The following FMNL2 variants were observed in gnomAD, a reference collection of about 807,000 sequenced individuals.
The protein encoded by FMNL2 is formin like 2, also known as formin-like protein 2.
FMNL2 carries 51 observed loss-of-function variants against 130.2 expected under a neutral mutation model. The observed-to-expected ratio is 0.39, with a 90% CI of 0.31 to 0.49. The LOEUF (loss-of-function observed/expected upper bound fraction) is 0.49, where lower values mean the gene tolerates loss of function less well. Among genes scored for constraint, FMNL2 ranks in the 20% least tolerant of loss-of-function variants. The pLI, the probability that FMNL2 is intolerant of heterozygous loss-of-function variation, is 0.85. For missense variants in FMNL2, 977 were observed against 1,316.2 expected (o/e 0.74, Z 3.99); for synonymous variants, 465 against 467.1 (o/e 1.00, Z 0.06).
chr2:152,404,491 A>G (rs1685876770), intron 1 of FMNL2, among the ~76,000 whole-genome samples: 1 of 152,048 alleles, frequency 6.6e-6, no homozygotes, highest in Non-Finnish European at 1.5e-5. Flanking sequence ...CCTCAGAATT[A>G]CTCGTAATGG....
rs576420254 is a variant in FMNL2, at chr2:152,457,999, C to G, written c.118-63944C>G. The stretch of plus-strand genomic sequence containing the variant: ...TTCATGTGATTAGATTGGGCCCACC[C>G]AGATAATCCAGGATAATCTCACTTT... On this transcript the variant is annotated intron_variant, in intron 1 of 25. Coordinates refer to ENST00000288670, the MANE Select transcript of FMNL2 (RefSeq NM_052905.4). 1.1e-4 allele frequency among the ~76,000 whole-genome samples: 16 copies of G among 152,312 alleles called. No homozygotes were observed. In the South Asian group the frequency reaches 1.9e-3, roughly 18 times the overall value.
At chr2:152,487,502 C>G (rs762695500) in intron 1 of FMNL2, among the ~76,000 whole-genome samples, 1 of 152,026 alleles carries the variant, frequency 6.6e-6, no homozygotes, top group Non-Finnish European at 1.5e-5. Flanking sequence ...ATGATATCGG[C>G]GAAAACTAAA....
chr2:152,546,946 CTTTTT>C (rs34129916), intron 3 of FMNL2, among the ~76,000 whole-genome samples: 3 of 135,784 alleles, frequency 2.2e-5, no homozygotes, highest in Non-Finnish European at 4.7e-5. Context: ...TGCCCCCATT[CTTTTT>C]TTTTTTTTTT....
intron 12 of FMNL2, 120 bp downstream of exon 12, chr2:152,615,120 T>C: frequency 2.0e-6 from 2 of 1,016,326 alleles, no homozygotes; most frequent in South Asian, 1.6e-5. Context: ...GGCCATACCC[T>C]GCAAGAGAGA....
At chr2:152,458,278 C>T (rs1054664797) in intron 1 of FMNL2, among the ~76,000 whole-genome samples, 5 of 152,152 alleles carry the variant, frequency 3.3e-5, no homozygotes, top group East Asian at 1.9e-4. Context: ...TATATTATTC[C>T]CTGACTCAGA....
intron 1 of FMNL2, among the ~76,000 whole-genome samples, chr2:152,514,489 A>G (rs1442040321): frequency 6.6e-6 from 1 of 152,140 alleles, no homozygotes; most frequent in Non-Finnish European, 1.5e-5. Context: ...AATATCATTT[A>G]ACATACTGAG....
intron 1 of FMNL2, among the ~76,000 whole-genome samples, chr2:152,425,021 TA>T (rs1687129104): frequency 2.0e-5 from 3 of 152,216 alleles, no homozygotes; most frequent in African/African-American, 7.2e-5. Context: ...GTTCTAGTTG[TA>T]AACTGGAAGA....
At chr2:152,592,504 A>G (rs897106904) in intron 9 of FMNL2, among the ~76,000 whole-genome samples, 4 of 152,224 alleles carry the variant, frequency 2.6e-5, no homozygotes, top group African/African-American at 9.7e-5. Flanking sequence ...AGCAGAGTTC[A>G]GAATCAATTC....
intron 6 of FMNL2, among the ~76,000 whole-genome samples, chr2:152,566,822 G>GGAGT (rs1021594521): frequency 6.6e-6 from 1 of 152,132 alleles, no homozygotes; most frequent in African/African-American, 2.4e-5. Context: ...CAGAACCTAG[G>GGAGT]GAGTGATTCA....
chr2:152,610,542 G>A (rs1009198980), intron 10 of FMNL2, among the ~76,000 whole-genome samples: 1 of 152,112 alleles, frequency 6.6e-6, no homozygotes, highest in African/African-American at 2.4e-5. Context: ...TTGTATGAAT[G>A]GAATCACACA....
intron 21 of FMNL2, among the ~76,000 whole-genome samples, chr2:152,633,021 A>G (rs1368614564): frequency 2.0e-5 from 3 of 151,308 alleles, no homozygotes; most frequent in Non-Finnish European, 4.4e-5. Flanking sequence ...ACTAAAGAAC[A>G]CTCTGGTCTA....
intron 25 of FMNL2, chr2:152,643,302 C>G: frequency 7.1e-7 from 1 of 1,415,018 alleles, no homozygotes; most frequent in South Asian, 1.3e-5. Context: ...TCCTGCCCAT[C>G]TTCCCCACCC....
intron 1 of FMNL2, chr2:152,389,808 T>C (rs1684999145): frequency 2.2e-6 from 3 of 1,374,750 alleles, no homozygotes; most frequent in Middle Eastern, 1.8e-4. Flanking sequence ...ACTTTTTCAC[T>C]GCAGGAGAAG....
rs71394477 is a variant in FMNL2, at chr2:152,375,850, GCTCTCT to G, written c.117+40153_117+40158del. Among the ~76,000 whole-genome samples, 145 of 100,578 alleles carry G rather than the reference GCTCTCT, an allele frequency of 1.4e-3. 1 individual carries two copies. The highest frequency in any genetic ancestry group is 2.0e-3 in the Non-Finnish European group (108 of 52,980). 66.0% of individuals were successfully genotyped at this position (100,578 alleles called of 152,430 possible). The stretch of plus-strand genomic sequence containing the variant: ...AGTACTATAACATTTAGCCATTGAA[GCTCTCT>G]CTCTCTCTCTCTCTCTCTCTCTATA... On this transcript the variant is annotated intron_variant, in intron 1 of 25. Transcript: ENST00000288670.
At chr2:152,376,741 G>T (rs1184758311) in intron 1 of FMNL2, among the ~76,000 whole-genome samples, 1 of 152,202 alleles carries the variant, frequency 6.6e-6, no homozygotes, top group African/African-American at 2.4e-5. Context: ...AGGCAGCCCT[G>T]CTTTTTAGGG....
intron 2 of FMNL2, among the ~76,000 whole-genome samples, chr2:152,524,656 G>A (rs1283508146): frequency 1.3e-5 from 2 of 152,166 alleles, no homozygotes; most frequent in Admixed American, 6.5e-5. Context: ...AGCTGTAAGA[G>A]CTCTTTCAGT....
intron 1 of FMNL2, among the ~76,000 whole-genome samples, chr2:152,421,504 A>G (rs1686920936): frequency 6.6e-6 from 1 of 152,120 alleles, no homozygotes; most frequent in Non-Finnish European, 1.5e-5. Flanking sequence ...GCAAAGGGGG[A>G]AATATAGGAG....
chr2:152,418,177 C>T (rs1579617093), intron 1 of FMNL2, among the ~76,000 whole-genome samples: 1 of 152,232 alleles, frequency 6.6e-6, no homozygotes, highest in Non-Finnish European at 1.5e-5. Flanking sequence ...TATAGCAGCT[C>T]TTTTGGAAGA....
At chr2:152,596,523 T>A (rs1434057710) in intron 9 of FMNL2, among the ~76,000 whole-genome samples, 2 of 152,224 alleles carry the variant, frequency 1.3e-5, no homozygotes, top group Non-Finnish European at 2.9e-5. Context: ...GTTTCCAACT[T>A]TTGGCCCCTG....
Sources: gnomAD v4.1 joint callset for allele counts (sites outside exome capture counted in the v4.1 genomes callset) on GRCh38, gnomAD v4.1.1 for gene constraint, MANE v1.5 for transcripts, NCBI Gene and HGNC (gene_info 2026-07-23, HGNC 2026-07-21) for gene names.